Variants in TRAPPC10 observed in about 807,000 individuals in gnomAD.
TRAPPC10 encodes the protein TRAPP 130 kDa subunit.
Under a neutral mutation model 125.5 loss-of-function variants are expected in TRAPPC10, and 23 were observed. That is an observed-to-expected ratio of 0.18 (90% confidence interval 0.13 to 0.26). The LOEUF (loss-of-function observed/expected upper bound fraction) is 0.26. Among genes scored for constraint, TRAPPC10 ranks in the 10% least tolerant of loss-of-function variants. TRAPPC10 has a pLI of 1.00. For synonymous variants in TRAPPC10, 509 were observed against 518.0 expected, an observed-to-expected ratio of 0.98 and a Z score of 0.24; for missense variants, 1,123 against 1,308.4, an observed-to-expected ratio of 0.86 and a Z score of 2.19.
rs1402741272 is a variant in TRAPPC10, at chr21:44,087,947, G to A, written c.2769+19G>A. The A allele has an allele frequency of 1.6e-5, 25 of 1,595,782 alleles. No homozygotes were observed. The highest frequency in any genetic ancestry group is 2.1e-5 in the Non-Finnish European group (24 of 1,168,422). On this transcript the variant is annotated intron_variant, in intron 17 of 22. Coordinates refer to ENST00000291574, the MANE Select transcript of TRAPPC10 (RefSeq NM_003274.5). This position sits in a 1 kb window ranked among gnomAD's most constrained non-coding sequence, Gnocchi z 4.6. ...CCACAAAGTGAGTAGGGACAGTGGAGGAGCTTAGCTTGTGGGGCGTCCGCC... is the reference window on the plus strand; with the variant it reads ...CCACAAAGTGAGTAGGGACAGTGGAAGAGCTTAGCTTGTGGGGCGTCCGCC...
intron 13 of TRAPPC10, among the ~76,000 whole-genome samples, chr21:44,081,124 TCTTA>T (rs751452111): frequency 6.7e-6 from 1 of 148,590 alleles, no homozygotes; most frequent in African/African-American, 2.5e-5. Flanking sequence ...CAAGAGATCC[TCTTA>T]CTTTGGCTTC....
chr21:44,095,484 T>G (rs752057445), intron 20 of TRAPPC10, among the ~76,000 whole-genome samples: 1 of 152,054 alleles, frequency 6.6e-6, no homozygotes, highest in Non-Finnish European at 1.5e-5. Flanking sequence ...GTGATCCACC[T>G]ACCTTGGCCT....
At chr21:44,017,574 C>T (rs1279844091) in intron 1 of TRAPPC10, among the ~76,000 whole-genome samples, 2 of 151,506 alleles carry the variant, frequency 1.3e-5, no homozygotes, top group South Asian at 2.1e-4. Context: ...AATATTATGT[C>T]CTAACAAGAG....
intron 1 of TRAPPC10, among the ~76,000 whole-genome samples, chr21:44,019,009 C>T (rs2299812): frequency 0.35 from 52,876 of 151,956 alleles, 13,434 homozygotes; most frequent in African/African-American, 0.72. Context: ...CCACTCTAGA[C>T]CTGGTGGCTT....
chr21:44,089,362 T>C, intron 17 of TRAPPC10: 1 of 359,824 alleles, frequency 2.8e-6, no homozygotes, highest in South Asian at 2.0e-5. Flanking sequence ...GATTTGGTTT[T>C]CAGTTACATA....
intron 3 of TRAPPC10, among the ~76,000 whole-genome samples, chr21:44,043,603 ATTTAT>A (rs1430845862): frequency 1.3e-5 from 2 of 152,070 alleles, no homozygotes; most frequent in Non-Finnish European, 2.9e-5. Context: ...GAGTGTCCAA[ATTTAT>A]TTTCTGAAGA....
intron 7 of TRAPPC10, among the ~76,000 whole-genome samples, chr21:44,069,747 T>C (rs1285740452): frequency 6.6e-6 from 1 of 152,096 alleles, no homozygotes; most frequent in East Asian, 1.9e-4. Context: ...GGGGAAGAAC[T>C]CAAATGTTCA....
chr21:44,025,373 G>A (rs986014012), intron 1 of TRAPPC10, among the ~76,000 whole-genome samples: 5 of 152,248 alleles, frequency 3.3e-5, no homozygotes, highest in Non-Finnish European at 5.9e-5. Flanking sequence ...AGGAACAGGA[G>A]TGTCTCTTTT....
chr21:44,076,598 G>A lies in TRAPPC10; in HGVS notation c.1347G>A (p.Ser449=), dbSNP rs1015322525. ...SPYKKLKEAL[S]SVEAFEKHYL... is the part of the protein sequence containing the mutation. ...ATAAGAAACTGAAAGAAGCATTATC[G>A]TCAGTGGAAGCTTTTGAAAAACACT... The change falls in exon 10 of 23, where the codon TCG becomes TCA. Residue 449 remains serine, a synonymous_variant. Coordinates refer to ENST00000291574, the MANE Select transcript of TRAPPC10 (RefSeq NM_003274.5). The A allele has an allele frequency of 2.0e-5, 32 of 1,614,108 alleles. No individual in the cohort carries two copies. Among genetic ancestry groups the A allele is most frequent in the Non-Finnish European group, 2.4e-5 (28 of 1,179,976 alleles).
At chr21:44,052,628 T>A in intron 4 of TRAPPC10, 152 bp downstream of exon 4, 1 of 723,944 alleles carries the variant, frequency 1.4e-6, no homozygotes, top group Non-Finnish European at 2.2e-6. Context: ...CCTTGTGGAG[T>A]TCCTGTTTAG....
Position 44,079,675 on chromosome 21 carries a change from A to T in TRAPPC10, c.1581A>T (p.Glu527Asp), listed in dbSNP as rs2037540377. The T allele has an allele frequency of 2.5e-6, 4 of 1,607,802 alleles. No homozygotes were observed. In the Admixed American group the frequency reaches 6.9e-5, roughly 28 times the overall value. The stretch of plus-strand genomic sequence containing the variant: ...CACACACAAGGAAGCAGCTGGCCGA[A>T]TGTCAAAAGCACCTTGGACAAATTG... ...PITHTRKQLAECQKHLGQIEN... is the reference protein window; with the variant it reads ...PITHTRKQLADCQKHLGQIEN... The change falls in exon 12 of 23, where the codon GAA becomes GAT. Residue 527 changes from glutamate to aspartate, a missense_variant. Physicochemically the swap from Glu to Asp is conservative, Grantham distance 45. Transcript: ENST00000291574.
intron 7 of TRAPPC10, among the ~76,000 whole-genome samples, chr21:44,070,488 A>G (rs2036782019): frequency 6.6e-6 from 1 of 152,160 alleles, no homozygotes; most frequent in Non-Finnish European, 1.5e-5. Flanking sequence ...ATTCAGTCTC[A>G]GGCTCTCAGG....
rs754742761 is a variant in TRAPPC10, at chr21:44,037,952, T to C, written c.285+25T>C. On this transcript the variant is annotated intron_variant, in intron 3 of 22. Transcript: ENST00000291574. The stretch of plus-strand genomic sequence containing the variant: ...TGTGAGTACCAGCAGGGGAAGAGGA[T>C]GCGCGGTGGGATGGGGTTGGAGATG... 16 of 1,608,048 alleles carry C rather than the reference T, an allele frequency of 9.9e-6. No individual in the cohort carries two copies. In the African/African-American group the frequency reaches 1.1e-4, roughly 11 times the overall value.
At chr21:44,065,949 G>A (rs895022839) in intron 7 of TRAPPC10, among the ~76,000 whole-genome samples, 12 of 152,142 alleles carry the variant, frequency 7.9e-5, no homozygotes, top group African/African-American at 2.9e-4. Flanking sequence ...GATCTTCCCT[G>A]CTCCCCTCCC....
chr21:44,051,064 C>T (rs571367785), intron 3 of TRAPPC10, among the ~76,000 whole-genome samples: 3 of 152,278 alleles, frequency 2.0e-5, no homozygotes, highest in South Asian at 2.1e-4. Context: ...CCGCCATGCC[C>T]GGCTAATCTT....
intron 1 of TRAPPC10, among the ~76,000 whole-genome samples, chr21:44,024,868 A>G (rs2032899370): frequency 6.6e-6 from 1 of 152,066 alleles, no homozygotes; most frequent in Non-Finnish European, 1.5e-5. Context: ...CACAGTTTTT[A>G]TGGTTTTCCT....
rs1471259333 is a variant in TRAPPC10 at position 44,089,857 on chromosome 21, A to G, written c.2794A>G (p.Ile932Val). 6.2e-7 allele frequency: 1 copy of G among 1,613,820 alleles called. No individual in the cohort carries two copies. Among genetic ancestry groups the G allele is most frequent in the Non-Finnish European group, 8.5e-7 (1 of 1,179,844 alleles). ...HKVSIDCPWS[I>V]YSTVIALTFS... ...GGTGTCGATTGACTGCCCGTGGTCC[A>G]TCTACTCCACAGTCATCGCACTGAC... The change falls in exon 18 of 23, where the codon ATC becomes GTC. Residue 932 changes from isoleucine (I) to valine (V), a missense_variant. Physicochemically the swap from Ile to Val is conservative, Grantham distance 29. Transcript: ENST00000291574.
At chr21:44,029,569 T>C (rs769875147) in intron 1 of TRAPPC10, among the ~76,000 whole-genome samples, 4 of 152,252 alleles carry the variant, frequency 2.6e-5, no homozygotes, top group African/African-American at 4.8e-5. Flanking sequence ...TGGGTTAGAA[T>C]TGGGCCTTCA....
At position 44,012,369 on chromosome 21, in the gene TRAPPC10, G is replaced by A; in HGVS notation, c.-125G>A. On this transcript the variant is annotated 5_prime_UTR_variant, in exon 1 of 23. Coordinates refer to ENST00000291574, the MANE Select transcript of TRAPPC10 (RefSeq NM_003274.5). The stretch of plus-strand genomic sequence containing the variant: ...GCGGGCGGCAGCTGCGGCGCAACCG[G>A]CTCCGGAGCTGCCTGGCGCGGCCGG... 2.5e-6 allele frequency: 1 copy of A among 397,802 alleles called. No homozygotes were observed. The highest frequency in any genetic ancestry group is 3.4e-6 in the Non-Finnish European group (1 of 292,990). 24.6% of individuals were successfully genotyped at this position (397,802 alleles called of 1,614,324 possible).
Sources: gnomAD v4.1 joint callset for allele counts (sites outside exome capture counted in the v4.1 genomes callset) on GRCh38, gnomAD v4.1.1 for gene constraint, Gnocchi (gnomAD v3.1) non-coding constraint, MANE v1.5 for transcripts, NCBI Gene and HGNC (gene_info 2026-07-23, HGNC 2026-07-21) for gene names.